TOP2B: variants seen among roughly 807,000 people sequenced by gnomAD.
The protein encoded by TOP2B is DNA topoisomerase II beta.
Under a neutral mutation model 193.5 loss-of-function variants are expected in TOP2B, and 51 were observed. The observed-to-expected ratio is 0.26, with a 90% confidence interval of 0.21 to 0.33. TOP2B has a LOEUF of 0.33. Among genes scored for constraint, TOP2B ranks in the 10% least tolerant of loss-of-function variants. The pLI is 1.00. For missense variants in TOP2B, 1,378 were observed against 1,909.3 expected (o/e 0.72, Z 5.19); for synonymous variants, 634 against 635.7 (o/e 1.00, Z 0.04).
At chr3:25,598,835 A>C (rs1287164134) in intron 35 of TOP2B, among the ~76,000 whole-genome samples, 1 of 152,192 alleles carries the variant, frequency 6.6e-6, no homozygotes, top group Non-Finnish European at 1.5e-5. Context: ...CATGGGAGGA[A>C]ACAAGACTCC....
At chr3:25,623,121 CTT>C (rs1037518297) in intron 21 of TOP2B, among the ~76,000 whole-genome samples, 4 of 152,118 alleles carry the variant, frequency 2.6e-5, no homozygotes, top group African/African-American at 9.7e-5. Flanking sequence ...TGTTTTCTGT[CTT>C]TTTACAAATG....
chr3:25,648,577 C>G (rs1703479494), intron 1 of TOP2B, among the ~76,000 whole-genome samples: 1 of 152,182 alleles, frequency 6.6e-6, no homozygotes, highest in African/African-American at 2.4e-5. Context: ...TAAATTGCAG[C>G]CAGGCGCAGT....
intron 4 of TOP2B, among the ~76,000 whole-genome samples, chr3:25,638,998 A>C (rs1277371731): frequency 6.6e-6 from 1 of 152,234 alleles, no homozygotes; most frequent in African/African-American, 2.4e-5. Flanking sequence ...TCCAATGCTT[A>C]TCAGTTGGCA....
chr3:25,600,955 T>G, intron 34 of TOP2B, 145 bp downstream of exon 34: 2 of 777,584 alleles, frequency 2.6e-6, no homozygotes, highest in Non-Finnish European at 4.0e-6. Context: ...TATTCAGCAC[T>G]GATTCCTAGA....
intron 6 of TOP2B, among the ~76,000 whole-genome samples, chr3:25,636,536 C>T (rs564554235): frequency 1.4e-4 from 22 of 152,102 alleles, no homozygotes; most frequent in African/African-American, 5.3e-4. Flanking sequence ...ATATAAGGGA[C>T]TTGATCCTCC....
chr3:25,629,294 A>C (rs145945219), intron 13 of TOP2B, 149 bp from the exon 14 acceptor site: 48 of 523,410 alleles, frequency 9.2e-5, no homozygotes, highest in African/African-American at 7.0e-4. Flanking sequence ...GATCATACTA[A>C]ATTTTTTAAT....
intron 1 of TOP2B, among the ~76,000 whole-genome samples, chr3:25,657,707 T>C (rs1399247273): frequency 6.6e-6 from 1 of 152,190 alleles, no homozygotes; most frequent in Non-Finnish European, 1.5e-5. Flanking sequence ...GATATCATGT[T>C]CTATAGCAAT....
chr3:25,632,387 A>G, intron 10 of TOP2B, 59 bp downstream of exon 10: 1 of 1,414,128 alleles, frequency 7.1e-7, no homozygotes, highest in Non-Finnish European at 9.5e-7. Context: ...AAGTAAATCA[A>G]GAAAACTACC....
At position 25,612,746 on chromosome 3, in the gene TOP2B, A is replaced by C. The variant is rs369536220; in HGVS notation, c.3592-37T>G. The C allele has an allele frequency of 1.5e-5, 23 of 1,513,216 alleles. No homozygotes were observed. In the African/African-American group the frequency reaches 3.0e-4, roughly 20 times the overall value. The allele number at this position is 1,513,216 out of a possible 1,614,324, so 93.7% of individuals were successfully genotyped here. A position where few individuals can be genotyped will look rare whatever the true frequency, so the allele number is the denominator to read the frequency against. ...TCATAAGGCAGAAGGAACATAAACA[A>C]CTTCTTAGAAAAGATAATCACTACT... is the stretch of plus-strand genomic sequence containing the variant. On this transcript the variant is annotated intron_variant, in intron 27 of 35. Transcript: ENST00000264331.
At chr3:25,620,634 G>T (rs760660520) in intron 22 of TOP2B, 48 bp downstream of exon 22, 2 of 1,570,376 alleles carry the variant, frequency 1.3e-6, no homozygotes, top group Non-Finnish European at 8.6e-7. Flanking sequence ...AGAAAAAATT[G>T]CTTAATACAC....
intron 10 of TOP2B, among the ~76,000 whole-genome samples, chr3:25,632,144 G>A (rs1402530645): frequency 2.0e-5 from 3 of 152,032 alleles, no homozygotes; most frequent in Non-Finnish European, 2.9e-5. Context: ...AAAGATGAAA[G>A]AGTTGCATAA....
intron 6 of TOP2B, 92 bp downstream of exon 6, chr3:25,637,123 A>T: frequency 2.2e-6 from 2 of 907,170 alleles, no homozygotes; most frequent in Middle Eastern, 3.2e-4. Context: ...GAAGTTATAC[A>T]GGCATCACTG....
Position 25,609,230 on chromosome 3 carries a change from G to A in TOP2B, c.4046C>T (p.Thr1349Ile). ...ATCTCTTGGAATAACCACAGGTTCT[G>A]TTTCTTCCAAATCACTTTCTGACTT... ...ESKSESDLEE[T>I]EPVVIPRDSL... The change falls in exon 30 of 36, where the codon ACA (threonine) becomes ATA (isoleucine). Residue 1349 changes from threonine (T) to isoleucine (I), a missense_variant. Around this residue, in one of 9 missense-constraint regions of TOP2B, gnomAD observed 556 missense variants for 584.2 expected, o/e 0.95. Coordinates refer to ENST00000264331, the MANE Select transcript of TOP2B (RefSeq NM_001330700.2). 1 of 1,608,668 alleles carries A rather than the reference G, an allele frequency of 6.2e-7. No individual in the cohort carries two copies. The highest frequency in any genetic ancestry group is 8.5e-7 in the Non-Finnish European group (1 of 1,177,138).
intron 21 of TOP2B, among the ~76,000 whole-genome samples, chr3:25,622,997 C>T (rs1243346258): frequency 3.3e-5 from 5 of 151,916 alleles, no homozygotes; most frequent in Non-Finnish European, 7.4e-5. Context: ...AGTCTGGTCT[C>T]GAACTCCTGA....
rs1226566185 is a variant in TOP2B at position 25,598,483 on chromosome 3, T to TA, written c.4711-7_4711-6insT. The stretch of plus-strand genomic sequence containing the variant: ...AAAGATGTCTTCTTCGGTTTCTAGA[T>TA]TTTTTTTCAATAGATTTAAAAGTTA... On this transcript the variant is annotated splice_region_variant and splice_polypyrimidine_tract_variant and intron_variant, in intron 35 of 35. Transcript: ENST00000264331. The TA allele has an allele frequency of 8.9e-6, 13 of 1,468,626 alleles. No individual in the cohort carries two copies. The highest frequency in any genetic ancestry group is 1.2e-5 in the Non-Finnish European group (13 of 1,118,558). The allele number at this position is 1,468,626 out of a possible 1,614,324, so 91.0% of individuals were successfully genotyped here.
At chr3:25,642,282 TAAAACTTAGCATA>T in intron 4 of TOP2B, 27 bp downstream of exon 4, 1 of 1,300,202 alleles carries the variant, frequency 7.7e-7, no homozygotes, top group Non-Finnish European at 1.1e-6. Context: ...ACTATCTGAA[TAAAACTTAGCATA>T]AAAAATTAAA....
At chr3:25,645,226 T>C (rs1703382201) in intron 2 of TOP2B, 74 bp downstream of exon 2, 2 of 1,329,988 alleles carry the variant, frequency 1.5e-6, no homozygotes, top group African/African-American at 1.5e-5. Flanking sequence ...GTAATTACAA[T>C]AATTTTATCA....
intron 1 of TOP2B, among the ~76,000 whole-genome samples, chr3:25,663,137 G>A (rs1703966242): frequency 6.6e-6 from 1 of 152,184 alleles, no homozygotes; most frequent in Non-Finnish European, 1.5e-5. Flanking sequence ...GCAAACATAA[G>A]TGATTAAAAT....
In TOP2B at chr3:25,606,027, G is replaced by T; in HGVS notation, c.4378+16C>A. The T allele has an allele frequency of 7.2e-7, 1 of 1,391,522 alleles. No homozygotes were observed. The highest frequency in any genetic ancestry group is 1.5e-5 in the South Asian group (1 of 65,614). 86.2% of individuals were successfully genotyped at this position (1,391,522 alleles called of 1,614,324 possible). A position where few individuals can be genotyped will look rare whatever the true frequency, so the allele number is the denominator to read the frequency against. On this transcript the variant is annotated intron_variant, in intron 32 of 35. Coordinates refer to ENST00000264331, the MANE Select transcript of TOP2B (RefSeq NM_001330700.2). ...GCAATAATACAATAACCAATGAAAA[G>T]ACTAAATGAACATACCATCTTCTGA...
Sources: gnomAD v4.1 joint callset for allele counts (sites outside exome capture counted in the v4.1 genomes callset) on GRCh38, gnomAD v4.1.1 for gene constraint, gnomAD v4.1.1 regional missense constraint, MANE v1.5 for transcripts, NCBI Gene and HGNC (gene_info 2026-07-23, HGNC 2026-07-21) for gene names.